The following R3HCC1L variants were observed in gnomAD, a reference collection of about 807,000 sequenced individuals.
The protein encoded by R3HCC1L is R3H domain and coiled-coil containing 1 like, also known as coiled-coil domain-containing protein R3HCC1L.
In R3HCC1L, 51 loss-of-function variants were observed where a neutral mutation model predicts 59.9. The observed-to-expected ratio is 0.85, with a 90% CI of 0.68 to 1.07. The LOEUF (loss-of-function observed/expected upper bound fraction) is 1.07. R3HCC1L is among the 50% of genes least tolerant of loss of function. The probability of loss-of-function intolerance (pLI) is 0.00; values close to 1 mark genes in which losing one functional copy is unlikely to be tolerated. For synonymous variants in R3HCC1L, 322 were observed against 315.2 expected (o/e 1.02, Z -0.23); for missense variants, 965 against 933.0 (o/e 1.03, Z -0.45).
At chr10:98,219,294 G>C (rs1854594270) in intron 5 of R3HCC1L, among the ~76,000 whole-genome samples, 1 of 152,092 alleles carries the variant, frequency 6.6e-6, no homozygotes, top group South Asian at 2.1e-4. Context: ...TGTTTGTGTG[G>C]AATATATTTT....
At chr10:98,161,328 G>C (rs966176487) in intron 2 of R3HCC1L, among the ~76,000 whole-genome samples, 2 of 152,036 alleles carry the variant, frequency 1.3e-5, no homozygotes, top group African/African-American at 4.8e-5. Context: ...ATATCTTTTT[G>C]TGTGAAATAT....
chr10:98,135,369 T>C (rs1010307880), intron 1 of R3HCC1L, among the ~76,000 whole-genome samples: 3 of 152,204 alleles, frequency 2.0e-5, no homozygotes, highest in Non-Finnish European at 4.4e-5. Context: ...CAGTAGTCTG[T>C]TTAGCGCAGC....
chr10:98,238,155 A>T (rs150436206), intron 9 of R3HCC1L, among the ~76,000 whole-genome samples: 2 of 152,332 alleles, frequency 1.3e-5, no homozygotes, highest in African/African-American at 4.8e-5. Context: ...GTTAGTAATA[A>T]TAGAAATATC....
At chr10:98,199,606 C>CT (rs1230810838) in intron 4 of R3HCC1L, among the ~76,000 whole-genome samples, 11 of 150,742 alleles carry the variant, frequency 7.3e-5, no homozygotes, top group South Asian at 2.1e-4. Flanking sequence ...TAGATAATAG[C>CT]TTTTTTTTTC....
In R3HCC1L at chr10:98,244,299, G is replaced by T; in HGVS notation, c.*141G>T. On this transcript the variant is annotated 3_prime_UTR_variant, in exon 10 of 10. Transcript: ENST00000298999. ...AGTGATCGAGACAAGGACTGACTGGGTATAGAAGGAAGACAGACTCCTGTC... is the reference window on the plus strand; with the variant it reads ...AGTGATCGAGACAAGGACTGACTGGTTATAGAAGGAAGACAGACTCCTGTC... The T allele has an allele frequency of 1.4e-6, 1 of 730,880 alleles. No homozygotes were observed. The highest frequency in any genetic ancestry group is 2.2e-6 in the Non-Finnish European group (1 of 450,146). 45.3% of individuals were successfully genotyped at this position (730,880 alleles called of 1,614,324 possible).
chr10:98,235,348 T>G (rs1450604519), intron 7 of R3HCC1L, 77 bp from the exon 8 acceptor site: 1 of 1,195,402 alleles, frequency 8.4e-7, no homozygotes, highest in Non-Finnish European at 1.2e-6. Context: ...ATCTAGGAAA[T>G]ACTAAGAGCT....
intron 1 of R3HCC1L, among the ~76,000 whole-genome samples, chr10:98,140,332 C>T (rs1234042760): frequency 6.6e-6 from 1 of 152,024 alleles, no homozygotes; most frequent in Non-Finnish European, 1.5e-5. Context: ...AAGTAAACAG[C>T]AAGGATGTAT....
intron 4 of R3HCC1L, among the ~76,000 whole-genome samples, chr10:98,193,258 A>G (rs990116771): frequency 1.3e-5 from 2 of 152,152 alleles, no homozygotes; most frequent in African/African-American, 2.4e-5. Flanking sequence ...TTGTAATAGA[A>G]ATCCTAGCTA....
At chr10:98,192,239 C>G (rs1471409531) in intron 4 of R3HCC1L, among the ~76,000 whole-genome samples, 2 of 151,608 alleles carry the variant, frequency 1.3e-5, no homozygotes, top group Non-Finnish European at 2.9e-5. Flanking sequence ...GCTTAGGAAC[C>G]TATGCTTTTA....
At chr10:98,219,998 G>A (rs1032191947) in intron 5 of R3HCC1L, among the ~76,000 whole-genome samples, 9 of 151,960 alleles carry the variant, frequency 5.9e-5, no homozygotes, top group Non-Finnish European at 1.3e-4. Flanking sequence ...TCTCTTCTCC[G>A]GAACTCCCAA....
chr10:98,212,906 T>G (rs183230166), intron 5 of R3HCC1L, among the ~76,000 whole-genome samples: 49 of 152,300 alleles, frequency 3.2e-4, no homozygotes, highest in African/African-American at 1.2e-3. Flanking sequence ...CTTCCCTTGG[T>G]TACAGAAGGC....
At chr10:98,137,041 T>G (rs941582410) in intron 1 of R3HCC1L, among the ~76,000 whole-genome samples, 5 of 151,974 alleles carry the variant, frequency 3.3e-5, no homozygotes, top group African/African-American at 4.8e-5. Context: ...AAACCCCATC[T>G]CTACTAAAAT....
chr10:98,197,668 G>T (rs916263247), intron 4 of R3HCC1L, among the ~76,000 whole-genome samples: 1 of 152,146 alleles, frequency 6.6e-6, no homozygotes, highest in Non-Finnish European at 1.5e-5. Flanking sequence ...AGTAACAAAT[G>T]CAGTGCAATG....
At chr10:98,238,403 T>C (rs1857183305) in intron 9 of R3HCC1L, among the ~76,000 whole-genome samples, 2 of 152,294 alleles carry the variant, frequency 1.3e-5, no homozygotes, top group South Asian at 2.1e-4. Flanking sequence ...AATATGTTCC[T>C]CTTTTAGGTA....
Position 98,208,782 on chromosome 10 carries a change from T to C in R3HCC1L, c.668T>C (p.Val223Ala). The change falls in exon 5 of 10, where the codon GTT becomes GCT. Residue 223 changes from valine (V) to alanine (A), a missense_variant. Coordinates refer to ENST00000298999, the MANE Select transcript of R3HCC1L (RefSeq NM_001351015.2). ...GAGATACTATATGAGTTTCCTAGAG[T>C]TTTTAGTTCTGTCATGAAACCTGAG... ...VLEILYEFPR[V>A]FSSVMKPENM... The C allele has an allele frequency of 6.2e-7, 1 of 1,613,964 alleles. No homozygotes were observed. The highest frequency in any genetic ancestry group is 8.5e-7 in the Non-Finnish European group (1 of 1,179,964).
At chr10:98,169,695 A>T (rs943428242) in intron 4 of R3HCC1L, among the ~76,000 whole-genome samples, 3 of 152,220 alleles carry the variant, frequency 2.0e-5, no homozygotes, top group Non-Finnish European at 4.4e-5. Flanking sequence ...AACTATAAAA[A>T]GACTTTTTAA....
At chr10:98,195,795 G>T (rs1316681467) in intron 4 of R3HCC1L, among the ~76,000 whole-genome samples, 1 of 152,080 alleles carries the variant, frequency 6.6e-6, no homozygotes, top group Non-Finnish European at 1.5e-5. Flanking sequence ...TCAGAACACT[G>T]AGCACTGTAT....
chr10:98,230,062 C>G (rs1856181592), intron 5 of R3HCC1L, among the ~76,000 whole-genome samples: 1 of 152,056 alleles, frequency 6.6e-6, no homozygotes, highest in Admixed American at 6.6e-5. Context: ...TGTGTCTCTG[C>G]CAGGCTTTGG....
intron 8 of R3HCC1L, 124 bp downstream of exon 8, chr10:98,235,644 GT>G: frequency 2.5e-6 from 2 of 788,382 alleles, no homozygotes; most frequent in Non-Finnish European, 1.9e-6. Flanking sequence ...AAAGAAATAT[GT>G]TTTTAAGAAA....
Sources: allele counts gnomAD v4.1 joint callset (sites outside exome capture counted in the v4.1 genomes callset), GRCh38; gene constraint gnomAD v4.1.1; transcripts MANE v1.5; gene names NCBI Gene and HGNC (gene_info 2026-07-23, HGNC 2026-07-21).